VIT: variants seen among roughly 807,000 people sequenced by gnomAD.
VIT encodes the protein vitrin.
VIT carries 99 observed loss-of-function variants against 78.0 expected under a neutral mutation model. That is an observed-to-expected ratio of 1.27 (90% confidence interval 1.08 to 1.50). The LOEUF is 1.50. VIT is among the 40% of genes most tolerant of loss of function. VIT has a pLI of 0.00. For synonymous variants in VIT, 374 were observed against 334.3 expected (o/e 1.12, Z -1.29); for missense variants, 1,126 against 875.3 (o/e 1.29, Z -3.61).
In VIT at chr2:36,808,859, A is replaced by T. The variant is rs773895556; in HGVS notation, c.1777A>T (p.Ile593Phe). Residue 593 changes from isoleucine to phenylalanine, a missense_variant, in exon 15 of 16, where the codon ATC (isoleucine) becomes TTC (phenylalanine). Physicochemically the swap from Ile to Phe is conservative, Grantham distance 21 (BLOSUM62 0). Transcript: ENST00000379242. ...WSGGTSTGAAINFALEQLFKK... is the reference protein window; with the variant it reads ...WSGGTSTGAAFNFALEQLFKK... ...TGGTGGCACCAGCACGGGGGCTGCC[A>T]TCAACTTCGCCCTGGAGCAGCTCTT... The T allele has an allele frequency of 5.6e-6, 9 of 1,614,102 alleles. No individual in the cohort carries two copies. Among genetic ancestry groups the T allele is most frequent in the Non-Finnish European group, 7.6e-6 (9 of 1,180,042 alleles).
intron 12 of VIT, among the ~76,000 whole-genome samples, chr2:36,800,813 A>G (rs1327826066): frequency 1.3e-5 from 2 of 152,202 alleles, no homozygotes; most frequent in Non-Finnish European, 2.9e-5. Context: ...TTGCAGGATG[A>G]GAAGCAGAGA....
At chr2:36,765,288 C>T (rs1254820557) in intron 6 of VIT, among the ~76,000 whole-genome samples, 1 of 152,018 alleles carries the variant, frequency 6.6e-6, no homozygotes, top group Admixed American at 6.6e-5. Flanking sequence ...AAGACACTAC[C>T]CAAGACTGGG....
At chr2:36,743,516 T>G (rs1667961549) in intron 4 of VIT, among the ~76,000 whole-genome samples, 1 of 152,230 alleles carries the variant, frequency 6.6e-6, no homozygotes, top group Non-Finnish European at 1.5e-5. Context: ...TGTATTCATT[T>G]TTTATCTTTG....
chr2:36,809,052 CAAGG>C, intron 15 of VIT, 67 bp downstream of exon 15: 1 of 1,510,970 alleles, frequency 6.6e-7, no homozygotes, highest in Non-Finnish European at 8.9e-7. Flanking sequence ...GCCAGTGGGA[CAAGG>C]AAGGTATTGT....
chr2:36,798,948 C>T (rs1319638230), intron 12 of VIT, among the ~76,000 whole-genome samples: 2 of 152,132 alleles, frequency 1.3e-5, no homozygotes, highest in Non-Finnish European at 2.9e-5. Context: ...CAGCTCAACA[C>T]CCCCATTTCC....
At chr2:36,721,330 A>G (rs17019585) in intron 2 of VIT, among the ~76,000 whole-genome samples, 9,424 of 152,200 alleles carry the variant, frequency 0.062, 949 homozygotes, top group African/African-American at 0.21. Flanking sequence ...AAAACAAGGA[A>G]GCTTGCGTTC....
chr2:36,711,668 T>C (rs1443405781), intron 1 of VIT, among the ~76,000 whole-genome samples: 1 of 152,204 alleles, frequency 6.6e-6, no homozygotes, highest in Non-Finnish European at 1.5e-5. Flanking sequence ...TTCCAGGCTC[T>C]AGAAACTGAA....
intron 7 of VIT, among the ~76,000 whole-genome samples, chr2:36,773,113 G>C (rs181004501): frequency 6.6e-6 from 1 of 152,190 alleles, no homozygotes; most frequent in African/African-American, 2.4e-5. Context: ...CGTTAACGCA[G>C]CTTAAGCAAA....
intron 14 of VIT, among the ~76,000 whole-genome samples, chr2:36,807,860 C>G (rs559354365): frequency 1.3e-5 from 2 of 152,320 alleles, no homozygotes; most frequent in African/African-American, 4.8e-5. Flanking sequence ...GGGAAGTCCC[C>G]TCATAGCTTA....
chr2:36,769,169 A>G (rs147250042), intron 7 of VIT, among the ~76,000 whole-genome samples: 1 of 152,348 alleles, frequency 6.6e-6, no homozygotes, highest in African/African-American at 2.4e-5. Context: ...TCTTGACTTC[A>G]GATGCCTTGA....
intron 12 of VIT, among the ~76,000 whole-genome samples, chr2:36,794,507 C>T (rs934560316): frequency 6.6e-6 from 1 of 152,192 alleles, no homozygotes; most frequent in Admixed American, 6.5e-5. Flanking sequence ...CACATATACG[C>T]TGGTCCTGAG....
intron 12 of VIT, among the ~76,000 whole-genome samples, chr2:36,792,464 T>A (rs1665571344): frequency 6.6e-6 from 1 of 151,470 alleles, no homozygotes; most frequent in Non-Finnish European, 1.5e-5. Flanking sequence ...TGCGCTTGAC[T>A]TCCACCCCTC....
rs1290414380 is a variant in VIT at position 36,814,261 on chromosome 2, A to C, written c.1982A>C (p.Asp661Ala). 1 of 1,614,210 alleles carries C rather than the reference A, an allele frequency of 6.2e-7. No homozygotes were observed. The highest frequency in any genetic ancestry group is 1.1e-5 in the South Asian group (1 of 91,088). ...LEVIATHPAR[D>A]HSFFVDEFDN... is the part of the protein sequence containing the mutation. Reference sequence around the variant, plus strand: ...GTCATTGCCACTCACCCCGCCAGAGACCACTCCTTCTTTGTGGACGAGTTT... The same window carrying C: ...GTCATTGCCACTCACCCCGCCAGAGCCCACTCCTTCTTTGTGGACGAGTTT... The change falls in exon 16 of 16, where the codon GAC becomes GCC. Residue 661 changes from aspartate to alanine, a missense_variant. Coordinates refer to ENST00000379242, the MANE Select transcript of VIT (RefSeq NM_053276.4).
chr2:36,792,553 G>T (rs1665577554), intron 12 of VIT, among the ~76,000 whole-genome samples: 1 of 152,120 alleles, frequency 6.6e-6, no homozygotes, highest in South Asian at 2.1e-4. Context: ...AAGCAGATGG[G>T]CACCCTGATG....
At chr2:36,800,841 A>G (rs1047415804) in intron 12 of VIT, among the ~76,000 whole-genome samples, 6 of 152,164 alleles carry the variant, frequency 3.9e-5, no homozygotes, top group African/African-American at 1.4e-4. Flanking sequence ...CCTTGGTACC[A>G]CTATTCACGT....
In VIT at chr2:36,787,174, T is replaced by A. The variant is rs757475855; in HGVS notation, c.956T>A (p.Ile319Asn). The A allele has an allele frequency of 2.7e-5, 43 of 1,613,626 alleles. No individual in the cohort carries two copies. Among genetic ancestry groups the A allele is most frequent in the Non-Finnish European group, 3.2e-5 (38 of 1,179,856 alleles). ...LSFLIDGSTS[I>N]GKRRFRIQKQ... The stretch of plus-strand genomic sequence containing the variant: ...TTTTTAATTGATGGGAGCACCAGCA[T>A]TGGCAAACGGCGATTCCGAATCCAG... The change falls in exon 12 of 16, where the codon ATT becomes AAT. Residue 319 changes from isoleucine (I) to asparagine (N), a missense_variant. Physicochemically the swap from Ile to Asn is moderately radical, Grantham distance 149. Coordinates refer to ENST00000379242, the MANE Select transcript of VIT (RefSeq NM_053276.4).
At chr2:36,781,518 A>G (rs531841335) in intron 9 of VIT, among the ~76,000 whole-genome samples, 1 of 152,298 alleles carries the variant, frequency 6.6e-6, no homozygotes, top group South Asian at 2.1e-4. Flanking sequence ...AGAAATTGGT[A>G]AAGATGTTTA....
At position 36,743,090 on chromosome 2, in the gene VIT, G is replaced by C. The variant is rs191510058; in HGVS notation, c.119-10G>C. 11 of 1,613,812 alleles carry C rather than the reference G, an allele frequency of 6.8e-6. No individual in the cohort carries two copies. The highest frequency in any genetic ancestry group is 6.7e-5 in the East Asian group (3 of 44,870). Reference sequence around the variant, plus strand: ...CAAGGTGTAATTTTGACCTCATTTTGTATTCCCAGCTGTGCCTCAGATCAA... The same window carrying C: ...CAAGGTGTAATTTTGACCTCATTTTCTATTCCCAGCTGTGCCTCAGATCAA... On this transcript the variant is annotated splice_polypyrimidine_tract_variant and intron_variant, in intron 3 of 15. Transcript: ENST00000379242.
At chr2:36,729,913 AG>A (rs1667090681) in intron 3 of VIT, among the ~76,000 whole-genome samples, 1 of 152,222 alleles carries the variant, frequency 6.6e-6, no homozygotes. Flanking sequence ...CTCGCAAAAA[AG>A]CCCATGCAAT....
Sources: allele counts gnomAD v4.1 joint callset (sites outside exome capture counted in the v4.1 genomes callset), GRCh38; gene constraint gnomAD v4.1.1; transcripts MANE v1.5; gene names NCBI Gene and HGNC (gene_info 2026-07-23, HGNC 2026-07-21).